SNAP91: variants seen among roughly 807,000 people sequenced by gnomAD.
SNAP91 encodes the protein clathrin coat assembly protein AP180.
SNAP91 carries 27 observed loss-of-function variants against 100.3 expected under a neutral mutation model. That is an observed-to-expected ratio of 0.27 (90% confidence interval 0.20 to 0.37). SNAP91 has a LOEUF of 0.37. SNAP91 is among the 10% of genes least tolerant of loss of function. The pLI is 1.00. For synonymous variants in SNAP91, 404 were observed against 398.6 expected (o/e 1.01, Z -0.16); for missense variants, 986 against 1,123.7 (o/e 0.88, Z 1.75).
chr6:83,623,433 G>T, intron 8 of SNAP91, 91 bp from the exon 9 acceptor site: 1 of 847,718 alleles, frequency 1.2e-6, no homozygotes, highest in South Asian at 1.5e-5. Flanking sequence ...AGTTTAAACA[G>T]CTCAATATTG....
chr6:83,560,162 A>T lies in SNAP91; in HGVS notation c.2573T>A (p.Met858Lys). 6.2e-7 allele frequency: 1 copy of T among 1,613,942 alleles called. No individual in the cohort carries two copies. The highest frequency in any genetic ancestry group is 8.5e-7 in the Non-Finnish European group (1 of 1,179,892). Residue 858 changes from methionine to lysine, a missense_variant, in exon 28 of 30, where the codon ATG (methionine) becomes AAG (lysine). Met to Lys is a moderately conservative substitution (Grantham distance 95, BLOSUM62 -1). This residue lies in a region of SNAP91 where 71 missense variants were observed against 68.5 expected (regional missense o/e 1.04). Coordinates refer to ENST00000369694, the MANE Select transcript of SNAP91 (RefSeq NM_001242792.2). ...GMPMMPQQPV[M>K]FAQPMMRPPF... ...GGGCCTCATCATGGGCTGTGCAAAC[A>T]TGACCGGCTGCTGAGGCATCATGGG...
At chr6:83,679,598 AC>A (rs1460549156) in intron 2 of SNAP91, among the ~76,000 whole-genome samples, 1 of 152,078 alleles carries the variant, frequency 6.6e-6, no homozygotes, top group East Asian at 1.9e-4. Flanking sequence ...GACCAGGCCA[AC>A]CCGTTCCATT....
At chr6:83,615,772 C>T (rs994745833) in intron 10 of SNAP91, among the ~76,000 whole-genome samples, 2 of 152,142 alleles carry the variant, frequency 1.3e-5, no homozygotes, top group Middle Eastern at 3.4e-3. Context: ...AATAACACAG[C>T]TAATGAAATA....
intron 28 of SNAP91, among the ~76,000 whole-genome samples, chr6:83,558,540 C>A (rs964307373): frequency 6.6e-6 from 1 of 152,214 alleles, no homozygotes; most frequent in Non-Finnish European, 1.5e-5. Context: ...CTCTTGGTCC[C>A]TGTTGCTTTT....
At chr6:83,576,663 T>A (rs1819287139) in intron 24 of SNAP91, among the ~76,000 whole-genome samples, 1 of 152,228 alleles carries the variant, frequency 6.6e-6, no homozygotes, top group Non-Finnish European at 1.5e-5. Context: ...GAAGTCTGCA[T>A]GTGGACTCTT....
intron 7 of SNAP91, among the ~76,000 whole-genome samples, chr6:83,643,540 T>C (rs150034149): frequency 0.016 from 2,469 of 152,326 alleles, 16 homozygotes; most frequent in Non-Finnish European, 0.023. Context: ...TTCTGTTCCA[T>C]TGGTCTATAT....
chr6:83,641,994 A>G (rs981948351), intron 7 of SNAP91, among the ~76,000 whole-genome samples: 2 of 152,142 alleles, frequency 1.3e-5, no homozygotes, highest in African/African-American at 4.8e-5. Flanking sequence ...CAGTGTTTTA[A>G]TCAGTTATTC....
At chr6:83,633,177 G>A (rs113015318) in intron 8 of SNAP91, among the ~76,000 whole-genome samples, 528 of 152,276 alleles carry the variant, frequency 3.5e-3, no homozygotes, top group African/African-American at 0.012. Context: ...CACCCAGCAA[G>A]TCTATCAGGC....
At chr6:83,695,276 C>CAAAAA (rs56103542) in intron 2 of SNAP91, among the ~76,000 whole-genome samples, 65 of 67,216 alleles carry the variant, frequency 9.7e-4, no homozygotes, top group Admixed American at 2.2e-3. Flanking sequence ...GGCTCCATCT[C>CAAAAA]AAAAAAAAAA....
chr6:83,700,708 C>A (rs547763114), intron 2 of SNAP91, among the ~76,000 whole-genome samples: 80 of 152,134 alleles, frequency 5.3e-4, no homozygotes, highest in Non-Finnish European at 1.1e-3. Flanking sequence ...GCAGGCTTGA[C>A]ATCCTCTGCA....
At chr6:83,670,630 G>A (rs1251006200) in intron 2 of SNAP91, among the ~76,000 whole-genome samples, 1 of 151,708 alleles carries the variant, frequency 6.6e-6, no homozygotes, top group Non-Finnish European at 1.5e-5. Context: ...ACATTTTATA[G>A]TTTTAGGGTT....
chr6:83,687,785 T>C (rs901680862), intron 2 of SNAP91, among the ~76,000 whole-genome samples: 5 of 151,938 alleles, frequency 3.3e-5, no homozygotes, highest in African/African-American at 9.7e-5. Context: ...GCAGAGGAGA[T>C]TGTAGGATTT....
At chr6:83,617,220 C>G (rs1296205429) in intron 9 of SNAP91, among the ~76,000 whole-genome samples, 181 bp from the exon 10 acceptor site, 1 of 151,764 alleles carries the variant, frequency 6.6e-6, no homozygotes, top group African/African-American at 2.4e-5. Flanking sequence ...TCAGACAGAC[C>G]CATCTTAAAT....
In SNAP91 at chr6:83,582,296, A is replaced by G. The variant is rs1829571310; in HGVS notation, c.2075T>C (p.Leu692Pro). The G allele has an allele frequency of 1.2e-6, 2 of 1,613,788 alleles. No homozygotes were observed. The highest frequency in any genetic ancestry group is 1.1e-5 in the South Asian group (1 of 91,074). ...PSPVTPAQNN[L>P]LQPNFEAAFG... ...AGCTGCCTCAAAATTGGGCTGTAGC[A>G]GGTTATTCTGAGCTGGAGTCACTGG... The change falls in exon 23 of 30, where the codon CTG (leucine) becomes CCG (proline). Residue 692 changes from leucine to proline, a missense_variant. By Grantham distance (98) the Leu-to-Pro change is moderately conservative. Transcript: ENST00000369694.
chr6:83,669,139 G>T (rs2098738579), intron 2 of SNAP91, among the ~76,000 whole-genome samples: 1 of 151,992 alleles, frequency 6.6e-6, no homozygotes, highest in African/African-American at 2.4e-5. Context: ...TGAAAACTCA[G>T]AGGTCGAACC....
chr6:83,575,756 G>A, intron 25 of SNAP91: 2 of 389,154 alleles, frequency 5.1e-6, no homozygotes, highest in South Asian at 8.3e-5. Context: ...AAATATTCAA[G>A]CCACAATTCC....
Position 83,630,329 on chromosome 6 carries a change from T to C in SNAP91, c.766-6987A>G, listed in dbSNP as rs577531936. Among the ~76,000 whole-genome samples the C allele has an allele frequency of 2.0e-5, 3 of 152,096 alleles. No homozygotes were observed. The East Asian group carries it at 5.8e-4, about 29-fold the overall frequency. On this transcript the variant is annotated intron_variant, in intron 8 of 29. Coordinates refer to ENST00000369694, the MANE Select transcript of SNAP91 (RefSeq NM_001242792.2). ...GTTTTCTTTTTTGGTTATGTCCTTT[T>C]CTGGTTTGGGTATTAGGGTGATACT...
chr6:83,601,639 G>C, intron 14 of SNAP91, 40 bp from the exon 15 acceptor site: 1 of 1,605,162 alleles, frequency 6.2e-7, no homozygotes, highest in Non-Finnish European at 8.5e-7. Flanking sequence ...GAATAAATAA[G>C]AGCTAAAGTT....
chr6:83,584,508 A>G (rs1213442053), intron 22 of SNAP91, among the ~76,000 whole-genome samples: 2 of 145,750 alleles, frequency 1.4e-5, no homozygotes, highest in Non-Finnish European at 3.0e-5. Context: ...CTGTTCACTG[A>G]AAAAAAAAAA....
Sources: allele counts gnomAD v4.1 joint callset (sites outside exome capture counted in the v4.1 genomes callset), GRCh38; gene constraint gnomAD v4.1.1; regional missense constraint gnomAD v4.1.1; transcripts MANE v1.5; gene names NCBI Gene and HGNC (gene_info 2026-07-23, HGNC 2026-07-21).